The following SPEF2 variants were observed in gnomAD, a reference collection of about 807,000 sequenced individuals.
SPEF2 encodes sperm flagella and cilia-associated protein 2.
SPEF2 carries 187 observed loss-of-function variants against 224.6 expected under a neutral mutation model. That is an observed-to-expected ratio of 0.83 (90% CI 0.74 to 0.94). The LOEUF (loss-of-function observed/expected upper bound fraction) is 0.94, where lower values mean the gene tolerates loss of function less well. Ranked by LOEUF, SPEF2 falls within the 40% of genes least tolerant of loss-of-function variation. The probability of loss-of-function intolerance (pLI) is 0.00; values close to 1 mark genes in which losing one functional copy is unlikely to be tolerated. For synonymous variants in SPEF2, 715 were observed against 707.3 expected, an observed-to-expected ratio of 1.01 and a Z score of -0.17; for missense variants, 2,170 against 2,135.6, an observed-to-expected ratio of 1.02 and a Z score of -0.32.
At chr5:35,806,492 A>T (rs1758079523) in intron 34 of SPEF2, among the ~76,000 whole-genome samples, 1 of 152,228 alleles carries the variant, frequency 6.6e-6, no homozygotes, top group Non-Finnish European at 1.5e-5. Flanking sequence ...CACACTATAC[A>T]AGCTTCTATA....
At chr5:35,640,325 T>C (rs983794860) in intron 2 of SPEF2, among the ~76,000 whole-genome samples, 17 of 152,064 alleles carry the variant, frequency 1.1e-4, no homozygotes, top group African/African-American at 3.9e-4. Context: ...CAATTATGTG[T>C]AGTGAGCAAA....
chr5:35,672,976 C>T (rs1172213894), intron 10 of SPEF2, among the ~76,000 whole-genome samples: 1 of 152,132 alleles, frequency 6.6e-6, no homozygotes, highest in Non-Finnish European at 1.5e-5. Flanking sequence ...TGACTCATGT[C>T]TTAACTTTAT....
At chr5:35,681,755 C>T (rs755324918) in intron 10 of SPEF2, among the ~76,000 whole-genome samples, 1 of 152,080 alleles carries the variant, frequency 6.6e-6, no homozygotes, top group Non-Finnish European at 1.5e-5. Context: ...ATGTAGAATG[C>T]ATTTTTTTGT....
At chr5:35,661,108 T>G (rs1240332985) in intron 8 of SPEF2, among the ~76,000 whole-genome samples, 2 of 151,820 alleles carry the variant, frequency 1.3e-5, no homozygotes, top group Non-Finnish European at 2.9e-5. Flanking sequence ...AATCAATCAA[T>G]AAATGTTGAA....
chr5:35,652,869 TTAA>T (rs1162113070), intron 6 of SPEF2, among the ~76,000 whole-genome samples: 2 of 152,138 alleles, frequency 1.3e-5, no homozygotes, highest in African/African-American at 4.8e-5. Context: ...TCTACACACT[TTAA>T]TAATATATCC....
At chr5:35,751,796 C>T (rs558573920) in intron 23 of SPEF2, among the ~76,000 whole-genome samples, 2 of 152,250 alleles carry the variant, frequency 1.3e-5, no homozygotes, top group East Asian at 3.9e-4. Flanking sequence ...TCTGGCTCTA[C>T]CACATTGAAA....
chr5:35,648,794 A>G lies in SPEF2; in HGVS notation c.727-567A>G, dbSNP rs112305517. ...TTTGGAAGGCCGAGGCGGGAGGATC[A>G]CCTGAGGTCAGGAGTTTGAGGCCAC... On this transcript the variant is annotated intron_variant, in intron 5 of 36. Transcript: ENST00000356031. Among the ~76,000 whole-genome samples, 1,361 of 152,196 alleles carry G rather than the reference A, an allele frequency of 8.9e-3. 26 individuals are homozygous for G. The highest frequency in any genetic ancestry group is 0.032 in the African/African-American group (1,310 of 41,518).
At chr5:35,793,761 C>CAT (rs1216889436) in intron 32 of SPEF2, among the ~76,000 whole-genome samples, 1 of 146,854 alleles carries the variant, frequency 6.8e-6, no homozygotes, top group Non-Finnish European at 1.5e-5. Context: ...CACACACACA[C>CAT]ACACACAGGG....
At chr5:35,655,593 A>C (rs959199087) in intron 7 of SPEF2, among the ~76,000 whole-genome samples, 1 of 152,200 alleles carries the variant, frequency 6.6e-6, no homozygotes, top group Non-Finnish European at 1.5e-5. Flanking sequence ...GCATGGATAA[A>C]GAGTCAGGAG....
At chr5:35,782,951 T>G (rs970026217) in intron 30 of SPEF2, among the ~76,000 whole-genome samples, 4 of 152,170 alleles carry the variant, frequency 2.6e-5, no homozygotes, top group Non-Finnish European at 5.9e-5. Flanking sequence ...ACCTTATACA[T>G]GATAATCAAA....
At chr5:35,681,663 A>C (rs1303146066) in intron 10 of SPEF2, among the ~76,000 whole-genome samples, 1 of 152,256 alleles carries the variant, frequency 6.6e-6, no homozygotes, top group South Asian at 2.1e-4. Context: ...GAAATAAAGC[A>C]TATCACAAGT....
At chr5:35,667,362 G>A (rs1750626871) in intron 9 of SPEF2, 103 bp downstream of exon 9, 1 of 1,083,480 alleles carries the variant, frequency 9.2e-7, no homozygotes, top group Non-Finnish European at 1.3e-6. Context: ...AGATAAAAAT[G>A]ATTCATGAAA....
chr5:35,771,526 A>G, intron 26 of SPEF2, 83 bp from the exon 27 acceptor site: 1 of 1,507,318 alleles, frequency 6.6e-7, no homozygotes, highest in Non-Finnish European at 8.9e-7. Context: ...AGGTTTCAAC[A>G]GAATTTAGTA....
chr5:35,736,055 A>C (rs1280938630), intron 21 of SPEF2, among the ~76,000 whole-genome samples: 2 of 152,234 alleles, frequency 1.3e-5, no homozygotes, highest in Non-Finnish European at 2.9e-5. Flanking sequence ...TTGAATTAAA[A>C]GATAAAATTA....
chr5:35,773,869 C>T, intron 27 of SPEF2, 24 bp from the exon 28 acceptor site: 1 of 1,604,474 alleles, frequency 6.2e-7, no homozygotes, highest in Admixed American at 1.7e-5. Context: ...TTAGTTTACT[C>T]AGCATGTTTC....
At chr5:35,648,911 G>A (rs1747789978) in intron 5 of SPEF2, among the ~76,000 whole-genome samples, 2 of 151,948 alleles carry the variant, frequency 1.3e-5, no homozygotes, top group Admixed American at 1.3e-4. Context: ...CTACTCAGAA[G>A]GCTGAGGCAG....
chr5:35,650,354 T>C (rs1212792671), intron 6 of SPEF2, among the ~76,000 whole-genome samples: 2 of 152,148 alleles, frequency 1.3e-5, no homozygotes, highest in African/African-American at 4.8e-5. Context: ...TTATCAGTGT[T>C]GATCCTGACC....
At chr5:35,680,267 G>A (rs1254966437) in intron 10 of SPEF2, among the ~76,000 whole-genome samples, 1 of 152,092 alleles carries the variant, frequency 6.6e-6, no homozygotes, top group African/African-American at 2.4e-5. Flanking sequence ...TAAATCATAC[G>A]ATAGGTTGTT....
At chr5:35,651,501 G>A (rs751376638) in intron 6 of SPEF2, among the ~76,000 whole-genome samples, 5 of 152,142 alleles carry the variant, frequency 3.3e-5, no homozygotes, top group African/African-American at 7.2e-5. Context: ...CACAAAGTTC[G>A]TTTTCTCTTT....
Sources: allele counts gnomAD v4.1 joint callset (sites outside exome capture counted in the v4.1 genomes callset), GRCh38; gene constraint gnomAD v4.1.1; transcripts MANE v1.5; gene names NCBI Gene and HGNC (gene_info 2026-07-23, HGNC 2026-07-21).